MOB3B: variants seen among roughly 807,000 people sequenced by gnomAD.
MOB3B encodes MOB kinase activator-like 2B.
Under a neutral mutation model 18.7 loss-of-function variants are expected in MOB3B, and 7 were observed. That is an observed-to-expected ratio of 0.37 (90% confidence interval 0.21 to 0.70). The LOEUF is 0.70. Among genes scored for constraint, MOB3B ranks in the 30% least tolerant of loss-of-function variants. The pLI is 0.52. For missense variants in MOB3B, 253 were observed against 281.3 expected (o/e 0.90, Z 0.72); for synonymous variants, 111 against 99.9 (o/e 1.11, Z -0.66).
Position 27,481,520 on chromosome 9 carries a change from GTTTTTTT to G in MOB3B, c.-198-25779_-198-25773del, listed in dbSNP as rs1224985717. Among the ~76,000 whole-genome samples the G allele has an allele frequency of 1.7e-4, 16 of 91,734 alleles. No individual in the cohort carries two copies. In the East Asian group the frequency reaches 1.9e-3, roughly 11 times the overall value. The allele number at this position is 91,734 out of a possible 152,430, so 60.2% of individuals were successfully genotyped here. A position where few individuals can be genotyped will look rare whatever the true frequency, so the allele number is the denominator to read the frequency against. Reference sequence around the variant, plus strand: ...TAGTTTTTTTTTTTTTGTTTTTTTTGTTTTTTTTTTTTTTTGAGACGGAGTCTAGCTC... The same window carrying G: ...TAGTTTTTTTTTTTTTGTTTTTTTTGTTTTTTTTGAGACGGAGTCTAGCTC... On this transcript the variant is annotated intron_variant, in intron 1 of 3. Coordinates refer to ENST00000262244, the MANE Select transcript of MOB3B (RefSeq NM_024761.5).
At chr9:27,331,081 T>C (rs1820781893) in intron 3 of MOB3B, among the ~76,000 whole-genome samples, 2 of 152,044 alleles carry the variant, frequency 1.3e-5, no homozygotes, top group Admixed American at 6.5e-5. Context: ...CAATCAAAGA[T>C]GGAAAAATAA....
intron 2 of MOB3B, among the ~76,000 whole-genome samples, chr9:27,393,828 C>T (rs1821762402): frequency 6.6e-6 from 1 of 152,114 alleles, no homozygotes. Context: ...GAATCCAGAT[C>T]TGTGGAAATC....
intron 1 of MOB3B, among the ~76,000 whole-genome samples, chr9:27,492,624 G>A (rs1426511652): frequency 6.6e-6 from 1 of 152,174 alleles, no homozygotes; most frequent in African/African-American, 2.4e-5. Context: ...ATAACTGCCA[G>A]GCATCATGCT....
intron 1 of MOB3B, among the ~76,000 whole-genome samples, chr9:27,501,012 A>C (rs914718244): frequency 2.0e-5 from 3 of 152,204 alleles, no homozygotes; most frequent in African/African-American, 7.2e-5. Context: ...CCTCATCATC[A>C]CTGGTCATTA....
chr9:27,525,902 C>T (rs1820429210), intron 1 of MOB3B: 1 of 152,134 alleles, frequency 6.6e-6, no homozygotes, highest in Non-Finnish European at 1.5e-5. Context: ...AGCCAGACTA[C>T]CTAGATTATT....
chr9:27,398,240 C>G (rs912569846), intron 2 of MOB3B, among the ~76,000 whole-genome samples: 2 of 152,192 alleles, frequency 1.3e-5, no homozygotes, highest in African/African-American at 4.8e-5. Flanking sequence ...TACCCCTCCT[C>G]CCAATCTGGG....
intron 2 of MOB3B, among the ~76,000 whole-genome samples, chr9:27,374,424 G>C (rs568907171): frequency 4.7e-4 from 72 of 152,218 alleles, no homozygotes; most frequent in African/African-American, 1.7e-3. Flanking sequence ...TCAATGGTTA[G>C]TCATGGAGTT....
chr9:27,462,346 A>T (rs1819306417), intron 1 of MOB3B, among the ~76,000 whole-genome samples: 1 of 152,144 alleles, frequency 6.6e-6, no homozygotes, highest in Non-Finnish European at 1.5e-5. Flanking sequence ...AATTGAAAAA[A>T]ACAATATCTA....
At chr9:27,341,395 C>T (rs903462946) in intron 3 of MOB3B, among the ~76,000 whole-genome samples, 4 of 152,158 alleles carry the variant, frequency 2.6e-5, no homozygotes, top group African/African-American at 4.8e-5. Flanking sequence ...ACAGAGCTTG[C>T]CATTGCTTAA....
chr9:27,326,908 C>G lies in MOB3B; in HGVS notation c.*3679G>C, dbSNP rs1055868456. 9.3e-6 allele frequency: 2 copies of G among 214,620 alleles called. No individual in the cohort carries two copies. Among genetic ancestry groups the G allele is most frequent in the South Asian group, 1.9e-4 (1 of 5,392 alleles). 13.3% of individuals were successfully genotyped at this position (214,620 alleles called of 1,614,324 possible). Reference sequence around the variant, plus strand: ...GGAGGGTCACAACTCACTGTACTATCTAAGAGTTTTCCCAAAAAAACCATC... The same window carrying G: ...GGAGGGTCACAACTCACTGTACTATGTAAGAGTTTTCCCAAAAAAACCATC... On this transcript the variant is annotated 3_prime_UTR_variant, in exon 4 of 4. Coordinates refer to ENST00000262244, the MANE Select transcript of MOB3B (RefSeq NM_024761.5).
intron 1 of MOB3B, among the ~76,000 whole-genome samples, chr9:27,526,939 A>G (rs913449076): frequency 6.6e-6 from 1 of 152,224 alleles, no homozygotes; most frequent in Non-Finnish European, 1.5e-5. Flanking sequence ...CATGTTTTCT[A>G]CAGGGAAATA....
chr9:27,379,722 A>G (rs113173762), intron 2 of MOB3B, among the ~76,000 whole-genome samples: 205 of 152,326 alleles, frequency 1.3e-3, no homozygotes, highest in African/African-American at 4.4e-3. Flanking sequence ...TACACAGTCC[A>G]GGAAGCACCA....
At chr9:27,524,868 T>C (rs779344446) in intron 1 of MOB3B, 8 of 1,613,940 alleles carry the variant, frequency 5.0e-6, no homozygotes, top group South Asian at 1.1e-5. Context: ...AGAAAAGAAA[T>C]ACAGTGACTG....
At chr9:27,500,222 G>T (rs991164801) in intron 1 of MOB3B, among the ~76,000 whole-genome samples, 14 of 152,026 alleles carry the variant, frequency 9.2e-5, no homozygotes, top group Non-Finnish European at 1.6e-4. Flanking sequence ...TGCTGGGTTG[G>T]GGGGTGGGGA....
intron 1 of MOB3B, among the ~76,000 whole-genome samples, chr9:27,491,491 A>G (rs560324302): frequency 2.2e-4 from 33 of 152,268 alleles, no homozygotes; most frequent in African/African-American, 7.2e-4. Flanking sequence ...AAATGGTCAA[A>G]CTTTTTATTT....
intron 3 of MOB3B, among the ~76,000 whole-genome samples, chr9:27,331,802 C>T (rs1820794219): frequency 6.6e-6 from 1 of 152,166 alleles, no homozygotes; most frequent in Non-Finnish European, 1.5e-5. Flanking sequence ...TGGACTGCCA[C>T]ACCTTATATA....
At chr9:27,419,241 C>G (rs1171272631) in intron 2 of MOB3B, among the ~76,000 whole-genome samples, 1 of 152,074 alleles carries the variant, frequency 6.6e-6, no homozygotes, top group Non-Finnish European at 1.5e-5. Context: ...CAAAGGAAAT[C>G]TACAAATTCA....
intron 2 of MOB3B, among the ~76,000 whole-genome samples, chr9:27,369,505 C>G (rs1374603430): frequency 6.6e-6 from 1 of 152,186 alleles, no homozygotes; most frequent in Non-Finnish European, 1.5e-5. Context: ...AGGACCTTCC[C>G]AATACGCAAA....
chr9:27,352,371 CAAA>C (rs372959856), intron 3 of MOB3B, among the ~76,000 whole-genome samples: 8 of 68,318 alleles, frequency 1.2e-4, no homozygotes, highest in Admixed American at 1.6e-4. Context: ...GACCCTGTCT[CAAA>C]AAAAAAAAAA....
Sources: gnomAD v4.1 joint callset for allele counts (sites outside exome capture counted in the v4.1 genomes callset) on GRCh38, gnomAD v4.1.1 for gene constraint, MANE v1.5 for transcripts, NCBI Gene and HGNC (gene_info 2026-07-23, HGNC 2026-07-21) for gene names.